Variants in SYNE1 observed in about 807,000 individuals in gnomAD.
The protein encoded by SYNE1 is spectrin repeat containing nuclear envelope protein 1, also known as nesprin-1.
SYNE1 carries 616 observed loss-of-function variants against 1,111.0 expected under a neutral mutation model. That is an observed-to-expected ratio of 0.55 (90% CI 0.52 to 0.59). The LOEUF is 0.59. SYNE1 is among the 20% of genes least tolerant of loss of function. The probability of loss-of-function intolerance (pLI) is 0.00; values close to 1 mark genes in which losing one functional copy is unlikely to be tolerated. For synonymous variants in SYNE1, 3,855 were observed against 3,825.8 expected (o/e 1.01, Z -0.28); for missense variants, 10,006 against 10,417.0 (o/e 0.96, Z 1.72).
chr6:152,139,299 G>T (rs1279830322), intron 140 of SYNE1, among the ~76,000 whole-genome samples: 1 of 151,962 alleles, frequency 6.6e-6, no homozygotes, highest in Admixed American at 6.6e-5. Flanking sequence ...GGCCGGGCAC[G>T]GTGGCTCATG....
intron 63 of SYNE1, 87 bp downstream of exon 63, chr6:152,364,760 A>C: frequency 1.5e-4 from 224 of 1,482,340 alleles, no homozygotes; most frequent in Non-Finnish European, 1.9e-4. Flanking sequence ...AGGGAAGGGA[A>C]GCCGGCCACA....
In SYNE1 at chr6:152,146,024, CAAAAAAAAAAA is replaced by C. The variant is rs57218606; in HGVS notation, c.24976+2010_24976+2020del. 145 of 49,712 alleles carry C rather than the reference CAAAAAAAAAAA, an allele frequency of 2.9e-3. 1 individual carries two copies. The highest frequency in any genetic ancestry group is 0.011 in the African/African-American group (134 of 12,162). The allele number at this position is 49,712 out of a possible 1,614,324, so 3.1% of individuals were successfully genotyped here. On this transcript the variant is annotated intron_variant, in intron 137 of 145. Transcript: ENST00000367255. ...TGGGCAACAGAACTAGACTTCGTCT[CAAAAAAAAAAA>C]AAAAAAAAAAAAAAAGAACTCACAG...
At chr6:152,159,670 T>C (rs540227030) in intron 131 of SYNE1, among the ~76,000 whole-genome samples, 2 of 152,238 alleles carry the variant, frequency 1.3e-5, no homozygotes, top group Admixed American at 1.3e-4. Flanking sequence ...AGGGGTGTGA[T>C]TATGGCTCAC....
intron 119 of SYNE1, among the ~76,000 whole-genome samples, chr6:152,219,747 G>C (rs1035408642): frequency 6.6e-6 from 1 of 152,202 alleles, no homozygotes; most frequent in African/African-American, 2.4e-5. Flanking sequence ...TGGTGAGCAG[G>C]GGGTGAGAGT....
In SYNE1 at chr6:152,354,800, G is replaced by T; in HGVS notation, c.10785C>A (p.Asn3595Lys). The T allele has an allele frequency of 6.2e-7, 1 of 1,614,106 alleles. No individual in the cohort carries two copies. The highest frequency in any genetic ancestry group is 1.1e-5 in the South Asian group (1 of 91,076). ...CCATTAGCCTCAATTTGTTCACCAC[G>T]TTATTGAACTGAGTTCGAGTCTCGG... ...RLSETRTQFN[N>K]VVNKLRLMEQ... Residue 3595 changes from asparagine (N) to lysine (K), a missense_variant, in exon 67 of 146, where the codon AAC becomes AAA. Physicochemically the swap from Asn to Lys is moderately conservative, Grantham distance 94. Around this residue, in one of 7 missense-constraint regions of SYNE1, gnomAD observed 4,955 missense variants for 5,017.2 expected, o/e 0.99. Coordinates refer to ENST00000367255, the MANE Select transcript of SYNE1 (RefSeq NM_182961.4).
At position 152,331,596 on chromosome 6, in the gene SYNE1, T is replaced by A. The variant is rs753852037; in HGVS notation, c.13089A>T (p.Gln4363His). 8 of 1,614,210 alleles carry A rather than the reference T, an allele frequency of 5.0e-6. No homozygotes were observed. The South Asian group carries it at 8.8e-5, about 18-fold the overall frequency. ...TAAGGGCCTCGGCGATGTTGGGTTG[T>A]TGCTCTTCTGCCCACTCCATTAGCT... ...FQELMEWAEE[Q>H]QPNIAEALKQ... is the part of the protein sequence containing the mutation. Residue 4363 changes from glutamine (Q) to histidine (H), a missense_variant, in exon 78 of 146, where the codon CAA becomes CAT. Coordinates refer to ENST00000367255, the MANE Select transcript of SYNE1 (RefSeq NM_182961.4).
At chr6:152,185,582 G>A (rs1478986518) in intron 128 of SYNE1, among the ~76,000 whole-genome samples, 1 of 152,202 alleles carries the variant, frequency 6.6e-6, no homozygotes, top group Non-Finnish European at 1.5e-5. Flanking sequence ...TTATTTTTCA[G>A]ACTGAAGTAT....
chr6:152,500,240 C>T (rs1442664343), intron 10 of SYNE1, among the ~76,000 whole-genome samples: 2 of 152,174 alleles, frequency 1.3e-5, no homozygotes, highest in South Asian at 2.1e-4. Flanking sequence ...GTTTCTTATT[C>T]ACACAGCAAT....
intron 34 of SYNE1, 85 bp from the exon 35 acceptor site, chr6:152,430,794 T>C: frequency 7.8e-7 from 1 of 1,281,834 alleles, no homozygotes; most frequent in Non-Finnish European, 1.1e-6. Context: ...AAAGAGGGAA[T>C]ATTTTCTTAA....
chr6:152,155,387 G>A (rs574642381), intron 132 of SYNE1: 17 of 324,338 alleles, frequency 5.2e-5, no homozygotes, highest in South Asian at 4.4e-4. Flanking sequence ...AGTGTCTTAC[G>A]GAAATAAAGA....
intron 66 of SYNE1, among the ~76,000 whole-genome samples, chr6:152,357,861 G>A (rs2096864074): frequency 6.6e-6 from 1 of 152,048 alleles, no homozygotes; most frequent in Non-Finnish European, 1.5e-5. Context: ...GTGAATTATG[G>A]CCCGCTGGCC....
chr6:152,336,795 C>T (rs777397986), intron 76 of SYNE1, 46 bp downstream of exon 76: 1 of 1,604,560 alleles, frequency 6.2e-7, no homozygotes, highest in Non-Finnish European at 8.5e-7. Context: ...AGGTTTTCTA[C>T]TCTGTTGGCC....
intron 93 of SYNE1, among the ~76,000 whole-genome samples, chr6:152,294,540 TACTTG>T (rs2094773977): frequency 6.6e-6 from 1 of 152,220 alleles, no homozygotes. Flanking sequence ...ATTTAAAAAC[TACTTG>T]ACTTAAATAA....
At chr6:152,592,074 A>G (rs1243142337) in intron 3 of SYNE1, among the ~76,000 whole-genome samples, 1 of 152,184 alleles carries the variant, frequency 6.6e-6, no homozygotes, top group East Asian at 1.9e-4. Flanking sequence ...GCTGGTAGGA[A>G]TGTAAATTAG....
At chr6:152,298,323 C>G (rs2094990094) in intron 93 of SYNE1, among the ~76,000 whole-genome samples, 1 of 152,208 alleles carries the variant, frequency 6.6e-6, no homozygotes, top group Non-Finnish European at 1.5e-5. Context: ...CTCTTGCTCC[C>G]TCTTTTCAAA....
chr6:152,366,866 C>T (rs2097090988), intron 62 of SYNE1: 3 of 398,272 alleles, frequency 7.5e-6, no homozygotes, highest in South Asian at 6.1e-5. Flanking sequence ...TACAGGAAGA[C>T]AAGTGAGTGG....
chr6:152,151,322 T>C (rs2060381506), intron 135 of SYNE1, among the ~76,000 whole-genome samples: 1 of 151,232 alleles, frequency 6.6e-6, no homozygotes, highest in Non-Finnish European at 1.5e-5. Context: ...TCAACAACAA[T>C]ATCGATATCA....
At chr6:152,390,014 C>T (rs528674393) in intron 53 of SYNE1, among the ~76,000 whole-genome samples, 3 of 152,132 alleles carry the variant, frequency 2.0e-5, no homozygotes, top group Non-Finnish European at 4.4e-5. Context: ...AGATGTTTTG[C>T]TGAGCCCATG....
intron 5 of SYNE1, 50 bp downstream of exon 5, chr6:152,526,030 T>C (rs2099161909): frequency 1.3e-6 from 2 of 1,567,264 alleles, no homozygotes; most frequent in Non-Finnish European, 1.8e-6. Flanking sequence ...AGTCCCCAAA[T>C]TCCAAATGGA....
Sources: allele counts gnomAD v4.1 joint callset (sites outside exome capture counted in the v4.1 genomes callset), GRCh38; gene constraint gnomAD v4.1.1; regional missense constraint gnomAD v4.1.1; transcripts MANE v1.5; gene names NCBI Gene and HGNC (gene_info 2026-07-23, HGNC 2026-07-21).